The following SAMD5 variants were observed in gnomAD, a reference collection of about 807,000 sequenced individuals.
SAMD5 encodes sterile alpha motif domain-containing protein 5.
A neutral mutation model predicts 11.3 loss-of-function variants in SAMD5; 13 were observed. That is an observed-to-expected ratio of 1.15 (90% CI 0.75 to 1.83). The LOEUF (loss-of-function observed/expected upper bound fraction) is 1.83, where lower values mean the gene tolerates loss of function less well. Among genes scored for constraint, SAMD5 ranks in the 40% most tolerant of loss-of-function variants. SAMD5 has a pLI of 0.00. For synonymous variants in SAMD5, 129 were observed against 111.3 expected (o/e 1.16, Z -1.00); for missense variants, 255 against 239.1 (o/e 1.07, Z -0.44).
the SAMD5 span, among the ~76,000 whole-genome samples, chr6:147,827,800 T>C: frequency 5.4e-4 from 82 of 152,236 alleles, no homozygotes; most frequent in East Asian, 0.014. Context: ...TGACATTTTT[T>C]TTTTTTTGAG....
downstream of SAMD5, among the ~76,000 whole-genome samples, chr6:147,740,430 T>G (rs1583160405): frequency 6.6e-6 from 1 of 152,346 alleles, no homozygotes; most frequent in East Asian, 1.9e-4. Flanking sequence ...ACTACATTTC[T>G]TTCTTAAACC....
intron 1 of SAMD5, among the ~76,000 whole-genome samples, chr6:147,596,265 C>A (rs991138209): frequency 6.6e-6 from 1 of 152,194 alleles, no homozygotes; most frequent in Non-Finnish European, 1.5e-5. Flanking sequence ...AGCAATATAT[C>A]ATAGTATAGA....
the SAMD5 span, among the ~76,000 whole-genome samples, chr6:147,881,402 A>G: frequency 4.9e-3 from 751 of 152,276 alleles, 6 homozygotes; most frequent in African/African-American, 0.017. Flanking sequence ...GCAGAGGTGG[A>G]TAAGTGGTAC....
chr6:147,798,754 G>A, the SAMD5 span, among the ~76,000 whole-genome samples: 5 of 152,236 alleles, frequency 3.3e-5, no homozygotes, highest in East Asian at 7.7e-4. Context: ...GGGTGCTCCT[G>A]TATTGGGTGC....
chr6:147,879,316 ATGCC>A, the SAMD5 span, among the ~76,000 whole-genome samples: 4 of 152,194 alleles, frequency 2.6e-5, no homozygotes, highest in African/African-American at 7.2e-5. Flanking sequence ...GCGCAGGCTG[ATGCC>A]TTAAGCTTAG....
At chr6:147,840,279 C>T in the SAMD5 span, among the ~76,000 whole-genome samples, 28 of 152,302 alleles carry the variant, frequency 1.8e-4, no homozygotes, top group African/African-American at 3.1e-4. Context: ...GTTCTACAAA[C>T]ACTTATCAAA....
the SAMD5 span, among the ~76,000 whole-genome samples, chr6:147,763,451 C>T: frequency 1.3e-5 from 2 of 148,750 alleles, no homozygotes; most frequent in Non-Finnish European, 3.0e-5. Context: ...TGTGAGCCAC[C>T]GCGCCTGGCC....
At chr6:147,714,376 G>C (rs187514926) in intron 1 of SAMD5, among the ~76,000 whole-genome samples, 1 of 152,330 alleles carries the variant, frequency 6.6e-6, no homozygotes, top group African/African-American at 2.4e-5. Context: ...GCATCCCAAA[G>C]AGAGTTCCAG....
chr6:147,822,045 C>T, the SAMD5 span, among the ~76,000 whole-genome samples: 1 of 152,162 alleles, frequency 6.6e-6, no homozygotes, highest in East Asian at 1.9e-4. Flanking sequence ...TGATTTGCAC[C>T]ATATCTATAA....
the SAMD5 span, among the ~76,000 whole-genome samples, chr6:147,883,123 C>A: frequency 1.3e-5 from 2 of 152,154 alleles, no homozygotes; most frequent in African/African-American, 4.8e-5. Flanking sequence ...TGCATCTGTG[C>A]AGAGGATCAT....
the SAMD5 span, among the ~76,000 whole-genome samples, chr6:147,763,454 G>A: frequency 2.0e-5 from 3 of 148,920 alleles, no homozygotes; most frequent in South Asian, 2.1e-4. Flanking sequence ...GAGCCACCGC[G>A]CCTGGCCCAT....
At chr6:147,643,262 A>G (rs529433178) in intron 1 of SAMD5, among the ~76,000 whole-genome samples, 5 of 152,044 alleles carry the variant, frequency 3.3e-5, no homozygotes, top group East Asian at 1.9e-4. Context: ...GCTTTTTTTT[A>G]TGGGCTTCAG....
the SAMD5 span, among the ~76,000 whole-genome samples, chr6:147,802,227 A>T: frequency 6.6e-6 from 1 of 152,156 alleles, no homozygotes; most frequent in East Asian, 1.9e-4. Flanking sequence ...AAAATACCTG[A>T]TTTTTTTCAA....
At chr6:147,591,506 A>G (rs980485246) in intron 1 of SAMD5, among the ~76,000 whole-genome samples, 3 of 152,188 alleles carry the variant, frequency 2.0e-5, no homozygotes, top group Admixed American at 6.5e-5. Flanking sequence ...AACAGAGTTC[A>G]CTAATGTGAA....
the SAMD5 span, among the ~76,000 whole-genome samples, chr6:147,806,302 ATG>A: frequency 1.2e-5 from 1 of 81,214 alleles, no homozygotes; most frequent in Non-Finnish European, 2.2e-5. Flanking sequence ...GAGTGTGCGC[ATG>A]CGCGCGCGCG....
At chr6:147,704,559 A>T (rs1791299182) in intron 1 of SAMD5, among the ~76,000 whole-genome samples, 2 of 152,200 alleles carry the variant, frequency 1.3e-5, no homozygotes, top group African/African-American at 2.4e-5. Flanking sequence ...CAAATCAGAA[A>T]AAAAAAGGGC....
At chr6:147,563,362 C>T (rs533700937) in intron 1 of SAMD5, among the ~76,000 whole-genome samples, 1 of 152,218 alleles carries the variant, frequency 6.6e-6, no homozygotes, top group African/African-American at 2.4e-5. Flanking sequence ...TGGGAGCTTA[C>T]AAGGCTTGGA....
the SAMD5 span, among the ~76,000 whole-genome samples, chr6:147,764,192 G>T: frequency 6.6e-6 from 1 of 152,148 alleles, no homozygotes; most frequent in Non-Finnish European, 1.5e-5. Flanking sequence ...ACAGATTTCT[G>T]ATTGTAAATA....
chr6:147,614,447 C>T (rs1189144036), intron 1 of SAMD5, among the ~76,000 whole-genome samples: 12 of 148,540 alleles, frequency 8.1e-5, no homozygotes, highest in Admixed American at 3.3e-4. Flanking sequence ...CCAGCCTGGG[C>T]GACAGAGCTA....
Sources: allele counts gnomAD v4.1 joint callset (sites outside exome capture counted in the v4.1 genomes callset), GRCh38; gene constraint gnomAD v4.1.1; transcripts MANE v1.5; gene names NCBI Gene and HGNC (gene_info 2026-07-23, HGNC 2026-07-21).